NME7: variants seen among roughly 807,000 people sequenced by gnomAD.
NME7 encodes the protein nucleoside diphosphate kinase 7.
In NME7, 41 loss-of-function variants were observed where a neutral mutation model predicts 49.1. The ratio of observed to expected loss-of-function variants is 0.83; its 90% CI spans 0.65 to 1.08. The LOEUF is 1.08. Among genes scored for constraint, NME7 ranks in the 50% least tolerant of loss-of-function variants. The probability of loss-of-function intolerance (pLI) is 0.00; values close to 1 mark genes in which losing one functional copy is unlikely to be tolerated. For missense variants in NME7, 423 were observed against 463.4 expected, an observed-to-expected ratio of 0.91 and a Z score of 0.80; for synonymous variants, 139 against 150.6, an observed-to-expected ratio of 0.92 and a Z score of 0.56.
intron 10 of NME7, among the ~76,000 whole-genome samples, chr1:169,169,863 T>C (rs1053086418): frequency 6.6e-6 from 1 of 152,216 alleles, no homozygotes; most frequent in Admixed American, 6.5e-5. Context: ...AATGAACCAA[T>C]TTGATGCTAT....
intron 7 of NME7, among the ~76,000 whole-genome samples, chr1:169,270,800 A>G (rs1404804018): frequency 7.5e-6 from 1 of 133,692 alleles, no homozygotes; most frequent in African/African-American, 2.5e-5. Context: ...TTTAGAAATA[A>G]GGAAACAAGG....
At chr1:169,289,631 A>C (rs961002728) in intron 6 of NME7, among the ~76,000 whole-genome samples, 1 of 152,138 alleles carries the variant, frequency 6.6e-6, no homozygotes, top group Non-Finnish European at 1.5e-5. Flanking sequence ...ATTATTTAAC[A>C]ATTAATTGAC....
chr1:169,201,597 T>A (rs576544493), intron 10 of NME7, among the ~76,000 whole-genome samples: 177 of 152,116 alleles, frequency 1.2e-3, no homozygotes, highest in Non-Finnish European at 2.0e-3. Context: ...TTGACTATAA[T>A]GGGTTGGGGA....
chr1:169,304,658 G>GTGATCACC (rs980875233), intron 4 of NME7, among the ~76,000 whole-genome samples: 9 of 152,108 alleles, frequency 5.9e-5, no homozygotes, highest in African/African-American at 1.9e-4. Context: ...TGAAATAGGT[G>GTGATCACC]TGATCACCTT....
In NME7 at chr1:169,245,480, G is replaced by A. The variant is rs530110902; in HGVS notation, c.755-7793C>T. On this transcript the variant is annotated intron_variant, in intron 7 of 11. Transcript: ENST00000367811. ...AAACAGGGGTGGTGGGAAATAAAAC[G>A]AAACGATTTTTAAAAATGAAAAAAT... is the stretch of plus-strand genomic sequence containing the variant. Among the ~76,000 whole-genome samples, 161 of 152,142 alleles carry A rather than the reference G, an allele frequency of 1.1e-3. 1 individual carries two copies. Among genetic ancestry groups the A allele is most frequent in the South Asian group, 4.8e-3 (23 of 4,824 alleles).
At chr1:169,153,389 C>T (rs773378703) in intron 11 of NME7, among the ~76,000 whole-genome samples, 3 of 152,170 alleles carry the variant, frequency 2.0e-5, no homozygotes, top group African/African-American at 4.8e-5. Flanking sequence ...CCATACTCTA[C>T]CAAAGGAACC....
intron 7 of NME7, among the ~76,000 whole-genome samples, chr1:169,258,375 CATATATATATATAT>C (rs71121749): frequency 3.5e-5 from 3 of 86,770 alleles, no homozygotes; most frequent in African/African-American, 1.2e-4. Context: ...TAAAATAAAA[CATATATATATATAT>C]ATATATATAT....
intron 6 of NME7, among the ~76,000 whole-genome samples, chr1:169,292,430 G>C (rs1037452758): frequency 6.6e-6 from 1 of 152,158 alleles, no homozygotes; most frequent in East Asian, 1.9e-4. Context: ...CATATCTCTG[G>C]ATAAAGAATT....
chr1:169,343,125 G>A lies in NME7; in HGVS notation c.4-18625C>T, dbSNP rs1050165299. ...TTCCACACGATTTTTTGTTGGGGAG[G>A]GAATGGCAACCTTTGGTCACTTGTG... is the stretch of plus-strand genomic sequence containing the variant. On this transcript the variant is annotated intron_variant, in intron 1 of 11. Coordinates refer to ENST00000367811, the MANE Select transcript of NME7 (RefSeq NM_013330.5). 2.0e-5 allele frequency among the ~76,000 whole-genome samples: 3 copies of A among 150,558 alleles called. No homozygotes were observed. The East Asian group carries it at 5.8e-4, about 29-fold the overall frequency.
At chr1:169,181,125 CCTATCTATTTATCTAT>C (rs749755528) in intron 10 of NME7, among the ~76,000 whole-genome samples, 1,971 of 106,752 alleles carry the variant, frequency 0.018, 23 homozygotes, top group Middle Eastern at 0.03. Flanking sequence ...AGGCTATAAT[CCTATCTATTTATCTAT>C]CTATCTATCT....
intron 7 of NME7, among the ~76,000 whole-genome samples, chr1:169,241,106 C>T (rs928285241): frequency 1.3e-5 from 2 of 152,056 alleles, no homozygotes; most frequent in Non-Finnish European, 2.9e-5. Flanking sequence ...AATGCTTTTC[C>T]TTAAAACCAT....
At chr1:169,143,591 G>A (rs1658668425) in intron 11 of NME7, among the ~76,000 whole-genome samples, 1 of 152,096 alleles carries the variant, frequency 6.6e-6, no homozygotes, top group South Asian at 2.1e-4. Flanking sequence ...ATTAGACTAT[G>A]AGCCCTGAAT....
intron 11 of NME7, among the ~76,000 whole-genome samples, chr1:169,168,649 T>C (rs1034035740): frequency 3.3e-5 from 5 of 152,158 alleles, no homozygotes; most frequent in Admixed American, 3.3e-4. Flanking sequence ...TGTGGAGGTA[T>C]GGGGTACCTA....
Position 169,302,964 on chromosome 1 carries a change from T to C in NME7, c.440+181A>G, listed in dbSNP as rs116114703. ...CTTTAAGATTTTTAATGATAAAATA[T>C]AGGAATTCTTACTTAATAAAAAGAC... On this transcript the variant is annotated intron_variant, in intron 5 of 11. Transcript: ENST00000367811. The C allele has an allele frequency of 3.3e-3, 1,281 of 391,812 alleles. 15 individuals are homozygous for C. The highest frequency in any genetic ancestry group is 0.024 in the African/African-American group (1,131 of 47,650). 24.3% of individuals were successfully genotyped at this position (391,812 alleles called of 1,614,324 possible).
chr1:169,246,434 T>C (rs895388929), intron 7 of NME7, among the ~76,000 whole-genome samples: 4 of 152,150 alleles, frequency 2.6e-5, no homozygotes, highest in Non-Finnish European at 4.4e-5. Flanking sequence ...AAAACCCACA[T>C]TAGTAGAAAG....
chr1:169,147,589 A>G (rs771934120), intron 11 of NME7, among the ~76,000 whole-genome samples: 6 of 152,008 alleles, frequency 3.9e-5, no homozygotes, highest in African/African-American at 2.4e-5. Context: ...AAGCTAGTTA[A>G]TATTCCTACC....
intron 6 of NME7, among the ~76,000 whole-genome samples, chr1:169,288,746 C>T (rs1571358878): frequency 6.6e-6 from 1 of 152,188 alleles, no homozygotes; most frequent in East Asian, 1.9e-4. Context: ...CATATTGCTG[C>T]CATTATTTAT....
intron 10 of NME7, among the ~76,000 whole-genome samples, chr1:169,179,619 G>A (rs1571268566): frequency 6.6e-6 from 1 of 152,290 alleles, no homozygotes; most frequent in African/African-American, 2.4e-5. Context: ...GGAATACTAT[G>A]CAGCCATAAA....
chr1:169,354,304 C>T (rs10800435), intron 1 of NME7, among the ~76,000 whole-genome samples: 98,412 of 151,862 alleles, frequency 0.65, 32,148 homozygotes, highest in East Asian at 0.93. Context: ...AAACATTGCA[C>T]GTTCTCCCTT....
Sources: gnomAD v4.1 joint callset for allele counts (sites outside exome capture counted in the v4.1 genomes callset) on GRCh38, gnomAD v4.1.1 for gene constraint, MANE v1.5 for transcripts, NCBI Gene and HGNC (gene_info 2026-07-23, HGNC 2026-07-21) for gene names.